The following PLPPR1 variants were observed in gnomAD, a reference collection of about 807,000 sequenced individuals.
PLPPR1 encodes the protein phospholipid phosphatase-related protein type 1.
Under a neutral mutation model 33.1 loss-of-function variants are expected in PLPPR1, and 10 were observed. The ratio of observed to expected loss-of-function variants is 0.30; its 90% CI spans 0.19 to 0.51. The LOEUF is 0.51. Ranked by LOEUF, PLPPR1 falls within the 20% of genes least tolerant of loss-of-function variation. The pLI is 0.97. For synonymous variants in PLPPR1, 151 were observed against 151.0 expected (o/e 1.00, Z 0.00); for missense variants, 304 against 408.1 (o/e 0.74, Z 2.20).
In PLPPR1 at chr9:101,050,124, GAAAAAAAAAAAAAA is replaced by G. The variant is rs35688096; in HGVS notation, c.-46+21033_-46+21046del. ...TGCAACAGAGTGAGACTCCAACTCA[GAAAAAAAAAAAAAA>G]AAAAAAAAAAGAGTATAAGCAATTC... is the stretch of plus-strand genomic sequence containing the variant. On this transcript the variant is annotated intron_variant, in intron 1 of 7. Coordinates refer to ENST00000374874, the MANE Select transcript of PLPPR1 (RefSeq NM_207299.2). 1.0e-3 allele frequency among the ~76,000 whole-genome samples: 36 copies of G among 35,192 alleles called. 1 individual carries two copies. In the East Asian group the frequency reaches 0.023, roughly 22 times the overall value. 23.1% of individuals were successfully genotyped at this position (35,192 alleles called of 152,430 possible). A position where few individuals can be genotyped will look rare whatever the true frequency, so the allele number is the denominator to read the frequency against.
At chr9:101,299,679 G>A (rs1466209033) in intron 4 of PLPPR1, among the ~76,000 whole-genome samples, 1 of 152,226 alleles carries the variant, frequency 6.6e-6, no homozygotes, top group Non-Finnish European at 1.5e-5. Flanking sequence ...ATAAAGGACT[G>A]AGCAGAAGAC....
rs570503156 is a variant in PLPPR1 at position 101,156,519 on chromosome 9, C to G, written c.-45-28931C>G. ...TGAGCCAAGTTTGCACCATTGCACTCCAGCCTGGGTGATGGGAGTCAAACC... is the reference window on the plus strand; with the variant it reads ...TGAGCCAAGTTTGCACCATTGCACTGCAGCCTGGGTGATGGGAGTCAAACC... On this transcript the variant is annotated intron_variant, in intron 1 of 7. Coordinates refer to ENST00000374874, the MANE Select transcript of PLPPR1 (RefSeq NM_207299.2). Among the ~76,000 whole-genome samples, 55 of 140,202 alleles carry G rather than the reference C, an allele frequency of 3.9e-4. 2 individuals are homozygous for G. The South Asian group carries it at 0.011, about 27-fold the overall frequency. The allele number at this position is 140,202 out of a possible 152,430, so 92.0% of individuals were successfully genotyped here. A position where few individuals can be genotyped will look rare whatever the true frequency, so the allele number is the denominator to read the frequency against.
chr9:101,261,658 A>G (rs1239827270), intron 2 of PLPPR1, among the ~76,000 whole-genome samples: 1 of 152,172 alleles, frequency 6.6e-6, no homozygotes, highest in Non-Finnish European at 1.5e-5. Flanking sequence ...ATGGAATAGT[A>G]TGCATCCATA....
chr9:101,052,710 T>C (rs1306497312), intron 1 of PLPPR1, among the ~76,000 whole-genome samples: 2 of 152,172 alleles, frequency 1.3e-5, no homozygotes, highest in Non-Finnish European at 2.9e-5. Flanking sequence ...GGTCATATTT[T>C]CTAATGTCCC....
intron 2 of PLPPR1, among the ~76,000 whole-genome samples, chr9:101,241,844 T>C (rs1050516622): frequency 6.6e-6 from 1 of 152,064 alleles, no homozygotes; most frequent in African/African-American, 2.4e-5. Context: ...TCAATCAACA[T>C]TTGTAGTGGT....
intron 3 of PLPPR1, among the ~76,000 whole-genome samples, chr9:101,271,862 T>A (rs1175835688): frequency 1.3e-5 from 2 of 152,192 alleles, no homozygotes; most frequent in Admixed American, 6.5e-5. Context: ...CTTTAGTTAC[T>A]TTTTATAATT....
intron 1 of PLPPR1, among the ~76,000 whole-genome samples, chr9:101,107,692 C>T (rs1209933586): frequency 1.7e-3 from 158 of 91,628 alleles, no homozygotes; most frequent in African/African-American, 5.8e-3. Flanking sequence ...TCGAGCTTCC[C>T]GGCTGCTTTG....
intron 2 of PLPPR1, among the ~76,000 whole-genome samples, chr9:101,223,310 T>C (rs1826991894): frequency 6.7e-6 from 1 of 148,320 alleles, no homozygotes; most frequent in East Asian, 2.0e-4. Flanking sequence ...AACTCCAGTC[T>C]GGGTGACAGA....
chr9:101,131,946 C>G (rs1231961743), intron 1 of PLPPR1, among the ~76,000 whole-genome samples: 1 of 152,156 alleles, frequency 6.6e-6, no homozygotes, highest in African/African-American at 2.4e-5. Flanking sequence ...TAGCATTGTT[C>G]CCAGCACTGA....
At chr9:101,223,740 C>T (rs1187698378) in intron 2 of PLPPR1, among the ~76,000 whole-genome samples, 1 of 152,066 alleles carries the variant, frequency 6.6e-6, no homozygotes, top group Non-Finnish European at 1.5e-5. Context: ...TTTAAGTTTC[C>T]TGAGGCCTCC....
intron 1 of PLPPR1, among the ~76,000 whole-genome samples, chr9:101,109,965 C>G (rs973404108): frequency 3.3e-5 from 5 of 152,158 alleles, no homozygotes; most frequent in African/African-American, 4.8e-5. Context: ...GGTGGGGATG[C>G]TTCTGTTCAA....
rs1304021553 is a variant in PLPPR1, at chr9:101,324,829, G to T, written c.*772G>T. ...ACAGTTTTGTATCTCATATTATATG[G>T]ACTTTATATGAAAATGAATATTTTA... is the stretch of plus-strand genomic sequence containing the variant. On this transcript the variant is annotated 3_prime_UTR_variant, in exon 8 of 8. Transcript: ENST00000374874. The T allele has an allele frequency of 6.6e-6, 1 of 152,490 alleles. No individual in the cohort carries two copies. Among genetic ancestry groups the T allele is most frequent in the African/African-American group, 2.4e-5 (1 of 41,372 alleles). The allele number at this position is 152,490 out of a possible 1,614,324, so 9.4% of individuals were successfully genotyped here. A position where few individuals can be genotyped will look rare whatever the true frequency, so the allele number is the denominator to read the frequency against.
At chr9:101,117,520 A>T (rs994878057) in intron 1 of PLPPR1, among the ~76,000 whole-genome samples, 1 of 152,222 alleles carries the variant, frequency 6.6e-6, no homozygotes, top group Admixed American at 6.5e-5. Flanking sequence ...TGGAAAACTC[A>T]TGAATAACTC....
chr9:101,060,593 T>C (rs974547253), intron 1 of PLPPR1, among the ~76,000 whole-genome samples: 1 of 151,934 alleles, frequency 6.6e-6, no homozygotes, highest in African/African-American at 2.4e-5. Flanking sequence ...TAACTTTTAC[T>C]TGTCAATTAA....
chr9:101,317,593 A>G, intron 7 of PLPPR1, 97 bp downstream of exon 7: 1 of 1,210,018 alleles, frequency 8.3e-7, no homozygotes, highest in Middle Eastern at 2.0e-4. Context: ...CCCAGCATCA[A>G]TGAGAATCTG....
chr9:101,094,434 G>A lies in PLPPR1; in HGVS notation c.-46+65332G>A, dbSNP rs376837528. On this transcript the variant is annotated intron_variant, in intron 1 of 7. Coordinates refer to ENST00000374874, the MANE Select transcript of PLPPR1 (RefSeq NM_207299.2). The stretch of plus-strand genomic sequence containing the variant: ...GAATGCACTCAAACACGCCAGAGAA[G>A]CTCTCTGGAGCACACCCACCTCACC... Among the ~76,000 whole-genome samples, 7 of 152,220 alleles carry A rather than the reference G, an allele frequency of 4.6e-5. No homozygotes were observed. The East Asian group carries it at 1.2e-3, about 25-fold the overall frequency.
chr9:101,270,202 C>G (rs941657305), intron 3 of PLPPR1, 134 bp downstream of exon 3: 1 of 871,772 alleles, frequency 1.1e-6, no homozygotes, highest in South Asian at 1.6e-5. Flanking sequence ...TCAGCCAAAA[C>G]AGAGTGAATG....
At chr9:101,067,020 C>A (rs994394214) in intron 1 of PLPPR1, among the ~76,000 whole-genome samples, 1 of 151,994 alleles carries the variant, frequency 6.6e-6, no homozygotes. Context: ...AGAGAATTCT[C>A]ATATGTTAAA....
chr9:101,137,106 A>G (rs1432820860), intron 1 of PLPPR1, among the ~76,000 whole-genome samples: 2 of 152,296 alleles, frequency 1.3e-5, no homozygotes, highest in Admixed American at 1.3e-4. Context: ...TACCCTGTAC[A>G]TATGTAGACA....
Sources: allele counts gnomAD v4.1 joint callset (sites outside exome capture counted in the v4.1 genomes callset), GRCh38; gene constraint gnomAD v4.1.1; transcripts MANE v1.5; gene names NCBI Gene and HGNC (gene_info 2026-07-23, HGNC 2026-07-21).